Variants in SH3PXD2B observed in about 807,000 individuals in gnomAD.
The protein encoded by SH3PXD2B is SH3 and PX domain-containing protein 2B.
Under a neutral mutation model 73.1 loss-of-function variants are expected in SH3PXD2B, and 37 were observed. That is an observed-to-expected ratio of 0.51 (90% confidence interval 0.39 to 0.67). SH3PXD2B has a LOEUF of 0.67. Among genes scored for constraint, SH3PXD2B ranks in the 30% least tolerant of loss-of-function variants. The pLI is 0.00. For synonymous variants in SH3PXD2B, 457 were observed against 480.5 expected (o/e 0.95, Z 0.64); for missense variants, 1,053 against 1,197.8 (o/e 0.88, Z 1.78).
In SH3PXD2B at chr5:172,414,016, C is replaced by A. The variant is rs540911592; in HGVS notation, c.157-7664G>T. On this transcript the variant is annotated intron_variant, in intron 2 of 12. Coordinates refer to ENST00000311601, the MANE Select transcript of SH3PXD2B (RefSeq NM_001017995.3). ...AGTGAAAACTCTTCAGTTCTGCCAT[C>A]CCCTAGACCTGTCCTCAGAAAAGCT... 6.6e-5 allele frequency among the ~76,000 whole-genome samples: 10 copies of A among 152,340 alleles called. No homozygotes were observed. In the South Asian group the frequency reaches 1.9e-3, roughly 28 times the overall value.
At chr5:172,412,009 C>T (rs369906150) in intron 2 of SH3PXD2B, among the ~76,000 whole-genome samples, 359 of 152,208 alleles carry the variant, frequency 2.4e-3, no homozygotes, top group South Asian at 0.012. Flanking sequence ...ACTCTGCTTT[C>T]TGCCTCTATG....
intron 3 of SH3PXD2B, among the ~76,000 whole-genome samples, chr5:172,396,111 G>T (rs991636731): frequency 6.7e-6 from 1 of 149,492 alleles, no homozygotes; most frequent in Non-Finnish European, 1.5e-5. Context: ...CCAGCAGTTT[G>T]GGAGGCCGAG....
chr5:172,350,627 C>T (rs989275301), intron 9 of SH3PXD2B, 38 bp from the exon 10 acceptor site: 6 of 1,554,710 alleles, frequency 3.9e-6, no homozygotes, highest in South Asian at 3.5e-5. Context: ...AACTGCTCCG[C>T]CAGGCCCAAG....
At chr5:172,356,718 C>G (rs889269521) in intron 8 of SH3PXD2B, 3 of 152,332 alleles carry the variant, frequency 2.0e-5, no homozygotes, top group Non-Finnish European at 4.4e-5. Context: ...GCATACAAGT[C>G]CCCCAGAGTC....
intron 2 of SH3PXD2B, among the ~76,000 whole-genome samples, chr5:172,410,869 C>A (rs1483323970): frequency 6.6e-6 from 1 of 152,164 alleles, no homozygotes; most frequent in Non-Finnish European, 1.5e-5. Context: ...GATGAGGTAA[C>A]TGAGAAGCAG....
At chr5:172,377,092 C>T (rs2113361006) in intron 5 of SH3PXD2B, among the ~76,000 whole-genome samples, 1 of 152,314 alleles carries the variant, frequency 6.6e-6, no homozygotes, top group African/African-American at 2.4e-5. Flanking sequence ...GAGCCATGCA[C>T]CCCTGCTTCC....
downstream of SH3PXD2B, among the ~76,000 whole-genome samples, chr5:172,332,245 C>T (rs1205787592): frequency 2.2e-5 from 3 of 133,728 alleles, no homozygotes; most frequent in African/African-American, 8.4e-5. Context: ...CACCGCATGA[C>T]TTTTTCCTTC....
chr5:172,366,617 ATTTAT>A (rs540570220), intron 6 of SH3PXD2B, among the ~76,000 whole-genome samples: 43 of 151,700 alleles, frequency 2.8e-4, no homozygotes, highest in African/African-American at 7.3e-4. Context: ...TTATTTATTT[ATTTAT>A]TTTATTTTAT....
chr5:172,391,901 G>A (rs932112029), intron 4 of SH3PXD2B, among the ~76,000 whole-genome samples: 6 of 152,176 alleles, frequency 3.9e-5, no homozygotes, highest in Non-Finnish European at 5.9e-5. Flanking sequence ...ACTCAAGGTC[G>A]TGATGAGTTT....
At chr5:172,346,594 A>G (rs1000754932) in intron 11 of SH3PXD2B, among the ~76,000 whole-genome samples, 3 of 152,068 alleles carry the variant, frequency 2.0e-5, no homozygotes, top group African/African-American at 7.2e-5. Context: ...TGGGTTGGAA[A>G]CACTGATGGT....
intron 2 of SH3PXD2B, among the ~76,000 whole-genome samples, chr5:172,414,880 C>T (rs1189483786): frequency 6.6e-6 from 1 of 152,174 alleles, no homozygotes; most frequent in African/African-American, 2.4e-5. Flanking sequence ...CACCTCTGCA[C>T]CTTTGCACAT....
intron 12 of SH3PXD2B, among the ~76,000 whole-genome samples, chr5:172,344,386 G>C (rs543088110): frequency 1.3e-5 from 2 of 151,974 alleles, no homozygotes; most frequent in African/African-American, 4.8e-5. Flanking sequence ...TCAGGAGTTC[G>C]AGACCAGCCT....
intron 2 of SH3PXD2B, among the ~76,000 whole-genome samples, chr5:172,417,607 C>A (rs1316233265): frequency 6.6e-6 from 1 of 152,214 alleles, no homozygotes; most frequent in Non-Finnish European, 1.5e-5. Flanking sequence ...GAATTTGGAT[C>A]AAAGCCCAGC....
In SH3PXD2B at chr5:172,346,278, C is replaced by T. The variant is rs749475138; in HGVS notation, c.1063-17G>A. On this transcript the variant is annotated splice_polypyrimidine_tract_variant and intron_variant, in intron 11 of 12. Coordinates refer to ENST00000311601, the MANE Select transcript of SH3PXD2B (RefSeq NM_001017995.3). Reference sequence around the variant, plus strand: ...GCCTCGAGGCTGGTACGATCACACACAGGGTTATCTCCAAGGCTAAGTGCA... The same window carrying T: ...GCCTCGAGGCTGGTACGATCACACATAGGGTTATCTCCAAGGCTAAGTGCA... 2.5e-6 allele frequency: 4 copies of T among 1,613,416 alleles called. No homozygotes were observed. The highest frequency in any genetic ancestry group is 2.2e-5 in the South Asian group (2 of 91,076).
chr5:172,325,628 T>C (rs915565602), intron 12 of SH3PXD2B, among the ~76,000 whole-genome samples: 1 of 152,164 alleles, frequency 6.6e-6, no homozygotes, highest in South Asian at 2.1e-4. Context: ...TGGGGGATGA[T>C]CGCTGTGTCC....
At position 172,325,287 on chromosome 5, in the gene SH3PXD2B, T is replaced by C. The variant is rs879418362; in HGVS notation, c.1282A>G (p.Met428Val). The C allele has an allele frequency of 6.5e-6, 10 of 1,534,874 alleles. No homozygotes were observed. In the East Asian group the frequency reaches 2.2e-4, roughly 34 times the overall value. The change falls in exon 13 of 13, where the codon ATG (methionine) becomes GTG (valine). Residue 428 changes from methionine (M) to valine (V), a missense_variant. Coordinates refer to the SH3PXD2B transcript ENST00000519643. ...ACATGACGTGGTTCTCACATCTCCATGGAAGCTGCCACGTGCTTCCCAAGT... is the reference window on the plus strand; with the variant it reads ...ACATGACGTGGTTCTCACATCTCCACGGAAGCTGCCACGTGCTTCCCAAGT...
chr5:172,421,146 A>C lies in SH3PXD2B; in HGVS notation c.156+1270T>G, dbSNP rs941095099. Reference sequence around the variant, plus strand: ...AGCCCCTTACCAGGAGGCTGGGAGAAGACACATGTTCAGAAAGCCGGGCAA... The same window carrying C: ...AGCCCCTTACCAGGAGGCTGGGAGACGACACATGTTCAGAAAGCCGGGCAA... On this transcript the variant is annotated intron_variant, in intron 2 of 12. Coordinates refer to ENST00000311601, the MANE Select transcript of SH3PXD2B (RefSeq NM_001017995.3). The surrounding 1 kb of genome is among the most constrained non-coding windows in gnomAD (Gnocchi z 4.0). Among the ~76,000 whole-genome samples the C allele has an allele frequency of 6.6e-6, 1 of 152,174 alleles. No individual in the cohort carries two copies. The highest frequency in any genetic ancestry group is 1.5e-5 in the Non-Finnish European group (1 of 68,030).
chr5:172,331,630 C>T (rs899431001), downstream of SH3PXD2B, among the ~76,000 whole-genome samples: 18 of 152,142 alleles, frequency 1.2e-4, no homozygotes, highest in African/African-American at 4.1e-4. Context: ...GAGGGTGAGG[C>T]AGCTGGATCA....
chr5:172,403,910 C>T (rs1368611925), intron 3 of SH3PXD2B, among the ~76,000 whole-genome samples: 5 of 152,190 alleles, frequency 3.3e-5, no homozygotes, highest in African/African-American at 7.2e-5. Context: ...CTCACTGTCC[C>T]GTTTTTAACA....
Sources: gnomAD v4.1 joint callset for allele counts (sites outside exome capture counted in the v4.1 genomes callset) on GRCh38, gnomAD v4.1.1 for gene constraint, Gnocchi (gnomAD v3.1) non-coding constraint, MANE v1.5 for transcripts, NCBI Gene and HGNC (gene_info 2026-07-23, HGNC 2026-07-21) for gene names.